VRK2: variants seen among roughly 807,000 people sequenced by gnomAD.
The protein encoded by VRK2 is serine/threonine-protein kinase VRK2.
Under a neutral mutation model 57.6 loss-of-function variants are expected in VRK2, and 60 were observed. The observed-to-expected ratio is 1.04, with a 90% CI of 0.85 to 1.29. The LOEUF (loss-of-function observed/expected upper bound fraction) is 1.29, where lower values mean the gene tolerates loss of function less well. Among genes scored for constraint, VRK2 ranks in the 50% most tolerant of loss-of-function variants. The pLI, the probability that VRK2 is intolerant of heterozygous loss-of-function variation, is 0.00. For synonymous variants in VRK2, 231 were observed against 199.2 expected, an observed-to-expected ratio of 1.16 and a Z score of -1.35; for missense variants, 705 against 588.1, an observed-to-expected ratio of 1.20 and a Z score of -2.06.
In VRK2 at chr2:57,915,463, TA is replaced by T. The variant is rs746185328; in HGVS notation, c.-439+7631del. Among the ~76,000 whole-genome samples, 70 of 152,144 alleles carry T rather than the reference TA, an allele frequency of 4.6e-4. 2 individuals are homozygous for T. In the East Asian group the frequency reaches 0.012, roughly 26 times the overall value. On this transcript the variant is annotated intron_variant, in intron 1 of 15. Coordinates refer to the VRK2 transcript ENST00000417641. ...ATTTAAAGAAATCAGGTGAATGGAT[TA>T]AAAAAATAAAGATACAATAATTATA...
chr2:58,090,255 G>A (rs753442965), intron 7 of VRK2, among the ~76,000 whole-genome samples: 2 of 152,086 alleles, frequency 1.3e-5, no homozygotes, highest in South Asian at 2.1e-4. Context: ...AATTAGCTGG[G>A]TGTGGTGGTG....
chr2:58,131,404 A>G (rs963258349), intron 8 of VRK2, among the ~76,000 whole-genome samples: 9 of 151,696 alleles, frequency 5.9e-5, no homozygotes, highest in Non-Finnish European at 1.3e-4. Flanking sequence ...ACCAATGCAG[A>G]CCCTATGGAC....
chr2:57,912,662 C>T (rs1387215527), intron 1 of VRK2, among the ~76,000 whole-genome samples: 1 of 152,102 alleles, frequency 6.6e-6, no homozygotes, highest in Non-Finnish European at 1.5e-5. Context: ...GACTAAAGAG[C>T]AACCGCTTTT....
intron 12 of VRK2, among the ~76,000 whole-genome samples, chr2:58,156,018 C>G (rs114264387): frequency 0.017 from 2,544 of 150,658 alleles, 55 homozygotes; most frequent in Middle Eastern, 0.031. Context: ...AAGTACATGG[C>G]GGGTGGAGAC....
chr2:58,144,656 A>G (rs1681848726), intron 11 of VRK2, among the ~76,000 whole-genome samples: 1 of 152,020 alleles, frequency 6.6e-6, no homozygotes. Context: ...TTTCACACTA[A>G]TGGTATCAGG....
chr2:58,093,184 T>C (rs1263190560), intron 7 of VRK2, among the ~76,000 whole-genome samples: 1 of 152,198 alleles, frequency 6.6e-6, no homozygotes, highest in African/African-American at 2.4e-5. Flanking sequence ...TACCCAGTAA[T>C]GGGATGGCTG....
intron 1 of VRK2, among the ~76,000 whole-genome samples, chr2:57,959,335 A>C (rs1362817435): frequency 6.6e-6 from 1 of 152,238 alleles, no homozygotes; most frequent in Non-Finnish European, 1.5e-5. Flanking sequence ...ATCGAACAAT[A>C]ATCATAAAAT....
At chr2:57,935,983 G>T (rs1243202247) in intron 1 of VRK2, among the ~76,000 whole-genome samples, 1 of 152,142 alleles carries the variant, frequency 6.6e-6, no homozygotes, top group African/African-American at 2.4e-5. Context: ...TTTTTTAGAT[G>T]GGTCATTCTC....
At chr2:57,940,808 ATT>A (rs892660721) in intron 1 of VRK2, among the ~76,000 whole-genome samples, 23 of 152,118 alleles carry the variant, frequency 1.5e-4, no homozygotes, top group Admixed American at 1.5e-3. Flanking sequence ...TAACTAAACT[ATT>A]ACTTCACGTA....
At chr2:58,017,654 G>C (rs562575681) in intron 1 of VRK2, among the ~76,000 whole-genome samples, 1 of 152,028 alleles carries the variant, frequency 6.6e-6, no homozygotes, top group Non-Finnish European at 1.5e-5. Context: ...CTATCCTAAA[G>C]TGGAAAGCTC....
At chr2:57,964,136 T>C (rs72808478) in intron 1 of VRK2, among the ~76,000 whole-genome samples, 18,861 of 152,112 alleles carry the variant, frequency 0.12, 1,248 homozygotes, top group East Asian at 0.18. Context: ...ACATATACCT[T>C]TTGACTCCCC....
intron 9 of VRK2, among the ~76,000 whole-genome samples, chr2:58,133,244 CAT>C (rs777081317): frequency 1.3e-4 from 20 of 151,900 alleles, no homozygotes; most frequent in African/African-American, 4.8e-4. Flanking sequence ...AATAGGATGT[CAT>C]ATAAAATTAT....
intron 8 of VRK2, among the ~76,000 whole-genome samples, chr2:58,130,217 G>A (rs1678982272): frequency 6.6e-6 from 1 of 152,100 alleles, no homozygotes; most frequent in African/African-American, 2.4e-5. Flanking sequence ...CAAACACTGT[G>A]CCAGAATATC....
intron 3 of VRK2, 111 bp from the exon 4 acceptor site, chr2:58,084,770 C>G: frequency 1.6e-6 from 1 of 626,780 alleles, no homozygotes; most frequent in Middle Eastern, 4.8e-4. Flanking sequence ...AAAAGTGATT[C>G]AAGTACTATT....
At chr2:57,969,580 G>C (rs1398469796) in intron 1 of VRK2, among the ~76,000 whole-genome samples, 1 of 151,848 alleles carries the variant, frequency 6.6e-6, no homozygotes, top group Admixed American at 6.6e-5. Flanking sequence ...TAAACAAAGA[G>C]AATCAAAAAT....
intron 8 of VRK2, among the ~76,000 whole-genome samples, chr2:58,128,593 A>G (rs1358849669): frequency 1.3e-5 from 2 of 152,136 alleles, no homozygotes; most frequent in Admixed American, 1.3e-4. Context: ...CAGCCTCCCA[A>G]AGTACTGGGA....
rs192760439 is a variant in VRK2 at position 58,001,066 on chromosome 2, C to A, written c.-438-24599C>A. ...GTGGCATAATTTTCAAAATAATAAA[C>A]CACTTCTTACTATACAGATGAAATG... On this transcript the variant is annotated intron_variant, in intron 1 of 15. Transcript: ENST00000417641. 4.6e-5 allele frequency among the ~76,000 whole-genome samples: 7 copies of A among 152,166 alleles called. No homozygotes were observed. The East Asian group carries it at 1.2e-3, about 25-fold the overall frequency.
chr2:58,092,391 A>C (rs1436997073), intron 7 of VRK2, among the ~76,000 whole-genome samples: 1 of 152,122 alleles, frequency 6.6e-6, no homozygotes, highest in Non-Finnish European at 1.5e-5. Context: ...TCTATTGAAA[A>C]CTGCTACAAT....
At chr2:57,959,751 T>G (rs1572906754) in intron 1 of VRK2, among the ~76,000 whole-genome samples, 1 of 152,174 alleles carries the variant, frequency 6.6e-6, no homozygotes, top group East Asian at 1.9e-4. Flanking sequence ...CAGGCCTTAT[T>G]GGTGAACTGA....
Sources: gnomAD v4.1 joint callset for allele counts (sites outside exome capture counted in the v4.1 genomes callset) on GRCh38, gnomAD v4.1.1 for gene constraint, MANE v1.5 for transcripts, NCBI Gene and HGNC (gene_info 2026-07-23, HGNC 2026-07-21) for gene names.